The following RNF216 variants were observed in gnomAD, a reference collection of about 807,000 sequenced individuals.
RNF216 encodes E3 ubiquitin-protein ligase RNF216.
In RNF216, 72 loss-of-function variants were observed where a neutral mutation model predicts 110.8. The ratio of observed to expected loss-of-function variants is 0.65; its 90% confidence interval spans 0.54 to 0.79. RNF216 has a LOEUF of 0.79. Ranked by LOEUF, RNF216 falls within the 30% of genes least tolerant of loss-of-function variation. The probability of loss-of-function intolerance (pLI) is 0.00; values close to 1 mark genes in which losing one functional copy is unlikely to be tolerated. For synonymous variants in RNF216, 495 were observed against 407.5 expected (o/e 1.21, Z -2.59); for missense variants, 1,342 against 1,141.2 (o/e 1.18, Z -2.54).
chr7:5,655,824 AG>A (rs1562794849), intron 13 of RNF216, among the ~76,000 whole-genome samples: 3 of 151,578 alleles, frequency 2.0e-5, no homozygotes, highest in Non-Finnish European at 2.9e-5. Flanking sequence ...TCCTAAACTC[AG>A]CAAATGCTTA....
Position 5,729,472 on chromosome 7 carries a change from G to A in RNF216, c.1349C>T (p.Ala450Val), listed in dbSNP as rs140252359. ...ATAGTGTCCTTTGAGCTCGTGCAGG[G>A]CCCACTTGATGTCCTGACTACTGAG... The part of the protein sequence containing the change: ...KVLSSQDIKW[A>V]LHELKGHYAI... The change falls in exon 7 of 17, where the codon GCC becomes GTC. Residue 450 changes from alanine (A) to valine (V), a missense_variant. Physicochemically the swap from Ala to Val is moderately conservative, Grantham distance 64. Coordinates refer to ENST00000389902, the MANE Select transcript of RNF216 (RefSeq NM_207111.4). 33 of 1,614,004 alleles carry A rather than the reference G, an allele frequency of 2.0e-5. No individual in the cohort carries two copies. The highest frequency in any genetic ancestry group is 1.7e-4 in the Admixed American group (10 of 60,000).
chr7:5,753,060 C>G, intron 2 of RNF216, 81 bp from the exon 3 acceptor site: 1 of 1,441,534 alleles, frequency 6.9e-7, no homozygotes, highest in African/African-American at 1.4e-5. Context: ...GACAGGGGTA[C>G]AGCCTAAAGC....
At chr7:5,632,063 A>T (rs1787107588) in intron 15 of RNF216, among the ~76,000 whole-genome samples, 1 of 152,204 alleles carries the variant, frequency 6.6e-6, no homozygotes, top group Non-Finnish European at 1.5e-5. Context: ...TGTAGGTTCC[A>T]AGGATGGCCG....
chr7:5,757,525 G>A (rs996213718), intron 2 of RNF216, among the ~76,000 whole-genome samples: 4 of 151,934 alleles, frequency 2.6e-5, no homozygotes, highest in Non-Finnish European at 5.9e-5. Flanking sequence ...GTACAGAATC[G>A]TAGATGAGTA....
intron 1 of RNF216, among the ~76,000 whole-genome samples, chr7:5,779,819 A>C: frequency 1.2e-5 from 1 of 85,872 alleles, no homozygotes; most frequent in Admixed American, 1.7e-4. Flanking sequence ...ATACAGCCAG[A>C]CTCCGCCTCA....
At chr7:5,711,929 G>T in intron 12 of RNF216, 90 bp from the exon 13 acceptor site, 1 of 1,117,920 alleles carries the variant, frequency 8.9e-7, no homozygotes, top group Non-Finnish European at 1.3e-6. Context: ...TGAAGATGGA[G>T]TTTTGAGCTG....
intron 11 of RNF216, among the ~76,000 whole-genome samples, chr7:5,713,126 C>G (rs1792820505): frequency 6.6e-6 from 1 of 152,140 alleles, no homozygotes; most frequent in African/African-American, 2.4e-5. Flanking sequence ...CTTAGCAGAC[C>G]ACACACAGAA....
chr7:5,741,325 T>C lies in RNF216; in HGVS notation c.692A>G (p.Asp231Gly). ...GTTCAGAGACTGGAAGTAAGGATGA[T>C]CTAACCAGCAGTCTTCTTCGATGGC... ...DQAIEEDCWL[D>G]HPYFQSLNQQ... The change falls in exon 4 of 17, where the codon GAT becomes GGT. Residue 231 changes from aspartate (D) to glycine (G), a missense_variant. Coordinates refer to ENST00000389902, the MANE Select transcript of RNF216 (RefSeq NM_207111.4). 6.2e-7 allele frequency: 1 copy of C among 1,614,088 alleles called. No homozygotes were observed. Among genetic ancestry groups the C allele is most frequent in the Non-Finnish European group, 8.5e-7 (1 of 1,179,944 alleles).
At chr7:5,778,628 A>T (rs1796909085) in intron 1 of RNF216, among the ~76,000 whole-genome samples, 1 of 152,234 alleles carries the variant, frequency 6.6e-6, no homozygotes, top group African/African-American at 2.4e-5. Context: ...AGCACTCACT[A>T]ATTATAGAAG....
At chr7:5,755,920 T>C (rs1253928205) in intron 2 of RNF216, among the ~76,000 whole-genome samples, 3 of 152,330 alleles carry the variant, frequency 2.0e-5, no homozygotes, top group South Asian at 2.1e-4. Flanking sequence ...GGATAGTACG[T>C]TGCTTCACGT....
intron 15 of RNF216, among the ~76,000 whole-genome samples, chr7:5,635,961 C>G (rs1333018453): frequency 6.6e-6 from 1 of 152,196 alleles, no homozygotes; most frequent in Admixed American, 6.5e-5. Flanking sequence ...GACAAAGACA[C>G]TGTAGAAAAC....
intron 13 of RNF216, among the ~76,000 whole-genome samples, chr7:5,653,760 G>T (rs1473325067): frequency 6.6e-6 from 1 of 152,128 alleles, no homozygotes; most frequent in African/African-American, 2.4e-5. Context: ...GACAGTGAAG[G>T]CTTGAGGAAG....
At chr7:5,634,645 G>C (rs757916531) in intron 15 of RNF216, among the ~76,000 whole-genome samples, 2 of 152,200 alleles carry the variant, frequency 1.3e-5, no homozygotes, top group African/African-American at 4.8e-5. Flanking sequence ...CCTCAGGTCA[G>C]ACAAGCCCAG....
At chr7:5,691,737 A>G (rs1054753770) in intron 13 of RNF216, among the ~76,000 whole-genome samples, 4 of 152,240 alleles carry the variant, frequency 2.6e-5, no homozygotes, top group African/African-American at 9.6e-5. Context: ...TACTAACTCT[A>G]GACACCGGAG....
chr7:5,756,482 C>A (rs1795650162), intron 2 of RNF216, among the ~76,000 whole-genome samples: 1 of 152,204 alleles, frequency 6.6e-6, no homozygotes, highest in Non-Finnish European at 1.5e-5. Context: ...GCAACCTCCA[C>A]CTCCTGGGTT....
chr7:5,731,042 C>T (rs1041671211), intron 5 of RNF216, among the ~76,000 whole-genome samples: 1 of 152,162 alleles, frequency 6.6e-6, no homozygotes, highest in African/African-American at 2.4e-5. Flanking sequence ...AATGAACATA[C>T]TGATTAAGGC....
chr7:5,663,979 G>A (rs1219130310), intron 13 of RNF216, among the ~76,000 whole-genome samples: 6 of 152,092 alleles, frequency 3.9e-5, no homozygotes, highest in Admixed American at 3.9e-4. Flanking sequence ...ATGGAGATGC[G>A]ATGGAGATGA....
chr7:5,638,652 G>C (rs1286344176), intron 15 of RNF216, among the ~76,000 whole-genome samples: 3 of 148,718 alleles, frequency 2.0e-5, no homozygotes, highest in South Asian at 2.1e-4. Context: ...TTTTTTTTGG[G>C]GGGGAGACAG....
At chr7:5,758,669 G>C (rs1366924728) in intron 2 of RNF216, among the ~76,000 whole-genome samples, 2 of 152,108 alleles carry the variant, frequency 1.3e-5, no homozygotes, top group Non-Finnish European at 2.9e-5. Context: ...GGGACCTCTT[G>C]CGTCTTTCTT....
Sources: gnomAD v4.1 joint callset for allele counts (sites outside exome capture counted in the v4.1 genomes callset) on GRCh38, gnomAD v4.1.1 for gene constraint, MANE v1.5 for transcripts, NCBI Gene and HGNC (gene_info 2026-07-23, HGNC 2026-07-21) for gene names.